The following SEL1L2 variants were observed in gnomAD, a reference collection of about 807,000 sequenced individuals.
SEL1L2 encodes the protein SEL1L2 adaptor subunit of SYVN1 ubiquitin ligase.
Under a neutral mutation model 98.8 loss-of-function variants are expected in SEL1L2, and 89 were observed. The ratio of observed to expected loss-of-function variants is 0.90; its 90% CI spans 0.76 to 1.07. The LOEUF (loss-of-function observed/expected upper bound fraction) is 1.07. Among genes scored for constraint, SEL1L2 ranks in the 50% least tolerant of loss-of-function variants. SEL1L2 has a pLI of 0.00. For synonymous variants in SEL1L2, 262 were observed against 278.5 expected (o/e 0.94, Z 0.59); for missense variants, 788 against 812.0 (o/e 0.97, Z 0.36).
At chr20:13,905,135 C>A (rs1470739924) in intron 5 of SEL1L2, among the ~76,000 whole-genome samples, 1 of 152,136 alleles carries the variant, frequency 6.6e-6, no homozygotes, top group Non-Finnish European at 1.5e-5. Context: ...CACTTCCACT[C>A]TCTTTAGCAG....
chr20:13,955,253 C>A (rs2050475097), intron 2 of SEL1L2, among the ~76,000 whole-genome samples: 2 of 151,822 alleles, frequency 1.3e-5, no homozygotes, highest in African/African-American at 4.8e-5. Flanking sequence ...AAGAAAAATA[C>A]AGCAGGGAAG....
At chr20:13,915,070 C>A (rs562735414) in intron 4 of SEL1L2, 247 of 1,254,290 alleles carry the variant, frequency 2.0e-4, no homozygotes, top group Admixed American at 5.8e-4. Context: ...GGAAAAAAAA[C>A]CCCATAAAAA....
chr20:13,889,237 C>T (rs943703804), intron 5 of SEL1L2, among the ~76,000 whole-genome samples: 20 of 151,962 alleles, frequency 1.3e-4, no homozygotes, highest in Non-Finnish European at 2.4e-4. Flanking sequence ...CCACCTGCCT[C>T]GGCCTCCCAA....
intron 5 of SEL1L2, among the ~76,000 whole-genome samples, chr20:13,908,399 T>C (rs2048070251): frequency 6.6e-6 from 1 of 152,144 alleles, no homozygotes; most frequent in Non-Finnish European, 1.5e-5. Flanking sequence ...GTTGGGATCA[T>C]AGGCGTCAGC....
At chr20:13,850,108 C>T (rs1600427800) in intron 19 of SEL1L2, 83 bp downstream of exon 19, 3 of 1,526,336 alleles carry the variant, frequency 2.0e-6, no homozygotes, top group Admixed American at 1.8e-5. Context: ...CAAGAGACTC[C>T]CTGATGGGCC....
chr20:13,868,737 A>G (rs1165699195), intron 14 of SEL1L2, among the ~76,000 whole-genome samples: 1 of 151,606 alleles, frequency 6.6e-6, no homozygotes, highest in African/African-American at 2.4e-5. Flanking sequence ...CCTCCCGAGT[A>G]GCTGGGACTA....
chr20:13,983,047 A>AAAAAAAAAAAAAAAAAAC (rs1569086282), intron 1 of SEL1L2, among the ~76,000 whole-genome samples: 1 of 144,200 alleles, frequency 6.9e-6, no homozygotes, highest in Non-Finnish European at 1.5e-5. Context: ...AAAAAAAAAA[A>AAAAAAAAAAAAAAAAAAC]AGCAGCAGCC....
chr20:13,992,401 G>A (rs1236214304), upstream of SEL1L2, among the ~76,000 whole-genome samples: 1 of 152,170 alleles, frequency 6.6e-6, no homozygotes, highest in African/African-American at 2.4e-5. Flanking sequence ...CTACTCGGGA[G>A]GCTGAGGCAG....
chr20:13,913,580 T>C, intron 5 of SEL1L2: 1 of 410,076 alleles, frequency 2.4e-6, no homozygotes, highest in Non-Finnish European at 4.2e-6. Context: ...GAATACATTT[T>C]ATATAAAATT....
intron 2 of SEL1L2, among the ~76,000 whole-genome samples, 171 bp downstream of exon 2, chr20:13,955,905 T>G (rs576895946): frequency 6.6e-6 from 1 of 152,140 alleles, no homozygotes; most frequent in East Asian, 1.9e-4. Context: ...GACAGTCTTA[T>G]CCTCTCACGG....
Position 13,869,534 on chromosome 20 carries a change from G to T in SEL1L2, c.1224C>A (p.Asp408Glu), listed in dbSNP as rs529645967. Reference sequence around the variant, plus strand: ...ACATGAAGCCTAACTGGAACTGTGCGTCGGGCCACCCTTTTTCCGCAGCTT... The same window carrying T: ...ACATGAAGCCTAACTGGAACTGTGCTTCGGGCCACCCTTTTTCCGCAGCTT... ...FQKAAEKGWPDAQFQLGFMYY... is the reference protein window; with the variant it reads ...FQKAAEKGWPEAQFQLGFMYY... Residue 408 changes from aspartate (D) to glutamate (E), a missense_variant, in exon 14 of 20, where the codon GAC becomes GAA. Coordinates refer to ENST00000284951, the MANE Select transcript of SEL1L2 (RefSeq NM_025229.2). 1.9e-6 allele frequency: 3 copies of T among 1,614,040 alleles called. No individual in the cohort carries two copies. The highest frequency in any genetic ancestry group is 1.7e-5 in the Admixed American group (1 of 60,012).
In SEL1L2 at chr20:13,915,500, T is replaced by C. The variant is rs73087429; in HGVS notation, c.387-1556A>G. Among the ~76,000 whole-genome samples, 911 of 152,240 alleles carry C rather than the reference T, an allele frequency of 6.0e-3. 4 individuals carry two copies. Among genetic ancestry groups the C allele is most frequent in the Non-Finnish European group, 9.8e-3 (667 of 68,022 alleles). The stretch of plus-strand genomic sequence containing the variant: ...GTCACGTGGCTTGCTGCTGCAACTC[T>C]ATAGCCTACTGGGACAGGAGGAGCA... On this transcript the variant is annotated intron_variant, in intron 4 of 19. Transcript: ENST00000284951.
At chr20:13,962,929 T>C (rs1383088246) in intron 1 of SEL1L2, among the ~76,000 whole-genome samples, 1 of 151,982 alleles carries the variant, frequency 6.6e-6, no homozygotes, top group Non-Finnish European at 1.5e-5. Flanking sequence ...TAGCTGGGCA[T>C]GGTGGCATGC....
chr20:13,990,751 C>G, upstream of SEL1L2: 1 of 517,550 alleles, frequency 1.9e-6, no homozygotes, highest in Non-Finnish European at 3.4e-6. Context: ...CACTGCTATT[C>G]CTCTGGCTGA....
intron 10 of SEL1L2, among the ~76,000 whole-genome samples, chr20:13,879,605 G>A (rs946884977): frequency 2.0e-5 from 3 of 151,914 alleles, no homozygotes; most frequent in Non-Finnish European, 4.4e-5. Context: ...CTCCCATTTC[G>A]ACCTCCCATA....
intron 1 of SEL1L2, among the ~76,000 whole-genome samples, chr20:13,974,481 T>TTTA (rs1202221081): frequency 7.2e-6 from 1 of 137,956 alleles, no homozygotes; most frequent in Admixed American, 7.3e-5. Context: ...CTCTCTTTTT[T>TTTA]TTTTTTTTTT....
At chr20:13,949,680 A>C (rs903603457) in intron 2 of SEL1L2, among the ~76,000 whole-genome samples, 2 of 148,872 alleles carry the variant, frequency 1.3e-5, no homozygotes, top group East Asian at 2.0e-4. Flanking sequence ...AAAACAAAAA[A>C]CAAACAACAA....
chr20:13,890,246 T>A (rs2047147712), intron 5 of SEL1L2, among the ~76,000 whole-genome samples: 1 of 152,134 alleles, frequency 6.6e-6, no homozygotes, highest in African/African-American at 2.4e-5. Context: ...CTGGTTTTTT[T>A]CCTCACCTAA....
intron 7 of SEL1L2, 33 bp downstream of exon 7, chr20:13,887,909 A>C (rs1166201137): frequency 1.2e-6 from 2 of 1,610,678 alleles, no homozygotes; most frequent in Non-Finnish European, 1.7e-6. Context: ...TATGGCATAC[A>C]AATTTGGTTC....
Sources: allele counts gnomAD v4.1 joint callset (sites outside exome capture counted in the v4.1 genomes callset), GRCh38; gene constraint gnomAD v4.1.1; transcripts MANE v1.5; gene names NCBI Gene and HGNC (gene_info 2026-07-23, HGNC 2026-07-21).